The following DPY19L1 variants were observed in gnomAD, a reference collection of about 807,000 sequenced individuals.
DPY19L1 encodes dpy-19 like C-mannosyltransferase 1.
Under a neutral mutation model 96.9 loss-of-function variants are expected in DPY19L1, and 35 were observed. That is an observed-to-expected ratio of 0.36 (90% CI 0.28 to 0.48). The LOEUF (loss-of-function observed/expected upper bound fraction) is 0.48, where lower values mean the gene tolerates loss of function less well. Among genes scored for constraint, DPY19L1 ranks in the 20% least tolerant of loss-of-function variants. The pLI, the probability that DPY19L1 is intolerant of heterozygous loss-of-function variation, is 0.99. For synonymous variants in DPY19L1, 205 were observed against 252.6 expected (o/e 0.81, Z 1.79); for missense variants, 521 against 777.9 (o/e 0.67, Z 3.93).
At chr7:35,019,579 AAAG>A (rs980564705) in intron 1 of DPY19L1, among the ~76,000 whole-genome samples, 13 of 152,008 alleles carry the variant, frequency 8.6e-5, no homozygotes, top group Non-Finnish European at 1.9e-4. Context: ...AAGGAAGAGG[AAAG>A]AAGGAAGAAG....
rs533592056 is a variant in DPY19L1 at position 35,000,914 on chromosome 7, C to A, written c.764+9554G>T. Among the ~76,000 whole-genome samples, 9 of 152,312 alleles carry A rather than the reference C, an allele frequency of 5.9e-5. No individual in the cohort carries two copies. In the South Asian group the frequency reaches 1.0e-3, roughly 18 times the overall value. Reference sequence around the variant, plus strand: ...AACAAAAATTAACTAAAGCTGCAGACAATTTAATTGCTGTGGAAAGAACAC... The same window carrying A: ...AACAAAAATTAACTAAAGCTGCAGAAAATTTAATTGCTGTGGAAAGAACAC... On this transcript the variant is annotated intron_variant, in intron 6 of 21. Coordinates refer to ENST00000638088, the MANE Select transcript of DPY19L1 (RefSeq NM_001366673.1).
chr7:34,973,005 T>C (rs1784754915), intron 8 of DPY19L1, among the ~76,000 whole-genome samples: 1 of 152,208 alleles, frequency 6.6e-6, no homozygotes, highest in Non-Finnish European at 1.5e-5. Context: ...GTCTGAGTCA[T>C]CTTCAGATTT....
chr7:34,985,120 T>A (rs1329673081), intron 7 of DPY19L1, among the ~76,000 whole-genome samples: 1 of 152,162 alleles, frequency 6.6e-6, no homozygotes, highest in Admixed American at 6.6e-5. Context: ...AAAAGGTCTC[T>A]GCACCTTTCA....
intron 1 of DPY19L1, among the ~76,000 whole-genome samples, chr7:35,021,595 CT>C (rs1177826217): frequency 2.0e-5 from 3 of 152,174 alleles, no homozygotes; most frequent in African/African-American, 7.2e-5. Flanking sequence ...TCACAACTAC[CT>C]TATGTCATAT....
At position 35,021,926 on chromosome 7, in the gene DPY19L1, T is replaced by C. The variant is rs986426095; in HGVS notation, c.299-3330A>G. Among the ~76,000 whole-genome samples the C allele has an allele frequency of 6.6e-5, 10 of 152,200 alleles. 1 individual carries two copies. The highest frequency in any genetic ancestry group is 6.5e-4 in the Admixed American group (10 of 15,282). ...TAATTTTATATAAAATTTGGAGATATATTTTACTTAAAAATTGAAATACAT... is the reference window on the plus strand; with the variant it reads ...TAATTTTATATAAAATTTGGAGATACATTTTACTTAAAAATTGAAATACAT... On this transcript the variant is annotated intron_variant, in intron 1 of 21. Coordinates refer to ENST00000638088, the MANE Select transcript of DPY19L1 (RefSeq NM_001366673.1).
intron 16 of DPY19L1, 90 bp downstream of exon 16, chr7:34,945,577 C>G: frequency 5.5e-6 from 5 of 916,424 alleles, no homozygotes. Flanking sequence ...ATATTAGGTA[C>G]ACAACATGTA....
At chr7:34,971,366 C>T (rs150967853) in intron 8 of DPY19L1, among the ~76,000 whole-genome samples, 8 of 152,322 alleles carry the variant, frequency 5.3e-5, no homozygotes, top group African/African-American at 1.9e-4. Flanking sequence ...AAAGCCCACA[C>T]TTCCAAGCAA....
intron 3 of DPY19L1, among the ~76,000 whole-genome samples, chr7:35,017,655 G>C (rs1385977806): frequency 6.6e-6 from 1 of 151,682 alleles, no homozygotes; most frequent in African/African-American, 2.4e-5. Flanking sequence ...CTGGGCGACA[G>C]AGCGAGACTC....
chr7:34,985,545 C>T (rs565204313), intron 7 of DPY19L1, among the ~76,000 whole-genome samples: 20 of 150,970 alleles, frequency 1.3e-4, no homozygotes, highest in Non-Finnish European at 3.0e-4. Flanking sequence ...AGGAAAGATA[C>T]AAATGGCCAA....
intron 10 of DPY19L1, among the ~76,000 whole-genome samples, chr7:34,961,352 T>C (rs928543888): frequency 2.0e-5 from 3 of 152,138 alleles, no homozygotes; most frequent in African/African-American, 7.2e-5. Context: ...ACATATATAG[T>C]CAACTGATAT....
intron 20 of DPY19L1, 97 bp downstream of exon 20, chr7:34,939,179 T>A: frequency 9.3e-7 from 1 of 1,073,648 alleles, no homozygotes; most frequent in East Asian, 2.6e-5. Flanking sequence ...GTTCATCATA[T>A]CCTTTTGAAA....
At chr7:34,959,365 T>C (rs954118998) in intron 10 of DPY19L1, among the ~76,000 whole-genome samples, 3 of 152,168 alleles carry the variant, frequency 2.0e-5, no homozygotes. Flanking sequence ...CATTGCTGGG[T>C]ACATACTCAA....
chr7:35,028,207 G>A (rs1489112356), intron 1 of DPY19L1, among the ~76,000 whole-genome samples: 1 of 152,184 alleles, frequency 6.6e-6, no homozygotes, highest in Non-Finnish European at 1.5e-5. Context: ...GGGTTTCTCT[G>A]ACTCCAAGCT....
Position 34,949,154 on chromosome 7 carries a change from T to A in DPY19L1, c.1422+643A>T, listed in dbSNP as rs143272260. Among the ~76,000 whole-genome samples, 1,365 of 152,326 alleles carry A rather than the reference T, an allele frequency of 9.0e-3. 19 individuals carry two copies. The highest frequency in any genetic ancestry group is 0.032 in the African/African-American group (1,318 of 41,582). ...CGAACTAAACCAGCTCATAAAGTAT[T>A]GCAAATTAATATTTTATTTATTTAA... On this transcript the variant is annotated intron_variant, in intron 14 of 21. Transcript: ENST00000638088.
intron 8 of DPY19L1, among the ~76,000 whole-genome samples, chr7:34,971,467 T>C (rs1784722860): frequency 6.6e-6 from 1 of 152,096 alleles, no homozygotes; most frequent in Non-Finnish European, 1.5e-5. Context: ...AGTCATAAGC[T>C]GCCAATGAAG....
At chr7:34,939,238 G>T (rs1266585907) in intron 20 of DPY19L1, 38 bp downstream of exon 20, 6 of 1,562,368 alleles carry the variant, frequency 3.8e-6, no homozygotes, top group Non-Finnish European at 5.3e-6. Context: ...CTGTTTGCAT[G>T]GGAGGTTTGT....
intron 1 of DPY19L1, among the ~76,000 whole-genome samples, chr7:35,019,547 AAAG>A (rs1785943279): frequency 6.6e-6 from 1 of 151,884 alleles, no homozygotes; most frequent in Admixed American, 6.6e-5. Context: ...AAGGAAGAAG[AAAG>A]AAGGAAGAAG....
intron 1 of DPY19L1, among the ~76,000 whole-genome samples, chr7:35,036,474 G>A (rs1309941286): frequency 1.3e-5 from 2 of 151,814 alleles, no homozygotes; most frequent in African/African-American, 4.8e-5. Context: ...AGGGAGGGGA[G>A]GAGAGCCCTC....
chr7:34,992,156 T>C (rs901141929), intron 6 of DPY19L1, among the ~76,000 whole-genome samples: 13 of 152,168 alleles, frequency 8.5e-5, no homozygotes, highest in African/African-American at 2.7e-4. Flanking sequence ...TGCAGACTCA[T>C]GTGCTTTTCA....
Sources: allele counts gnomAD v4.1 joint callset (sites outside exome capture counted in the v4.1 genomes callset), GRCh38; gene constraint gnomAD v4.1.1; transcripts MANE v1.5; gene names NCBI Gene and HGNC (gene_info 2026-07-23, HGNC 2026-07-21).